Variants in DOK7 observed in about 807,000 individuals in gnomAD.
DOK7 encodes the protein docking protein 7.
In DOK7, 32 loss-of-function variants were observed where a neutral mutation model predicts 30.7. The ratio of observed to expected loss-of-function variants is 1.04; its 90% CI spans 0.79 to 1.40. The LOEUF is 1.40. Ranked by LOEUF, DOK7 falls within the 40% of genes most tolerant of loss-of-function variation. The pLI is 0.00. For missense variants in DOK7, 1,007 were observed against 699.2 expected (o/e 1.44, Z -4.97); for synonymous variants, 447 against 324.1 (o/e 1.38, Z -4.07).
chr4:3,476,278 A>T, intron 3 of DOK7, 64 bp from the exon 4 acceptor site: 1 of 285,606 alleles, frequency 3.5e-6, no homozygotes. Flanking sequence ...CTCTCACCCC[A>T]CCCGCCCGTG....
exon 8 of DOK7, chr4:3,500,838 A>G: frequency 6.6e-7 from 1 of 1,524,438 alleles, no homozygotes; most frequent in South Asian, 1.2e-5. Context: ...TCACAGCGCC[A>G]GGAGCTGACC....
intron 5 of DOK7, among the ~76,000 whole-genome samples, chr4:3,487,751 A>T (rs1727906184): frequency 6.6e-6 from 1 of 151,902 alleles, no homozygotes; most frequent in African/African-American, 2.4e-5. Context: ...AAATGGTGGG[A>T]GGTTGTGTCC....
downstream of DOK7, among the ~76,000 whole-genome samples, chr4:3,495,052 G>C (rs569326513): frequency 2.0e-5 from 3 of 152,308 alleles, no homozygotes; most frequent in South Asian, 6.2e-4. Context: ...GGGCTTTGGG[G>C]ACTGAGTTTG....
At chr4:3,499,606 A>G (rs1242990759) in intron 6 of DOK7, among the ~76,000 whole-genome samples, 1 of 151,370 alleles carries the variant, frequency 6.6e-6, no homozygotes, top group Non-Finnish European at 1.5e-5. Flanking sequence ...CCCAGCACCA[A>G]TGGGGTGTGC....
chr4:3,472,366 C>G (rs1277397747), intron 2 of DOK7, among the ~76,000 whole-genome samples: 2 of 152,246 alleles, frequency 1.3e-5, no homozygotes, highest in Admixed American at 1.3e-4. Context: ...GGGACATTCT[C>G]CCCAATCCCC....
At chr4:3,473,241 C>T (rs765566065) in intron 2 of DOK7, among the ~76,000 whole-genome samples, 165 bp from the exon 3 acceptor site, 2 of 152,248 alleles carry the variant, frequency 1.3e-5, no homozygotes, top group Admixed American at 6.5e-5. Flanking sequence ...GGGAGGGGAT[C>T]GCCCCATTTT....
At chr4:3,496,457 C>T (rs1728919624), downstream of DOK7, among the ~76,000 whole-genome samples, 1 of 152,250 alleles carries the variant, frequency 6.6e-6, no homozygotes, top group African/African-American at 2.4e-5. Flanking sequence ...CACTACCTTG[C>T]ATGGGCGTGG....
intron 3 of DOK7, among the ~76,000 whole-genome samples, chr4:3,475,827 G>A (rs957048626): frequency 9.9e-5 from 15 of 152,072 alleles, no homozygotes; most frequent in African/African-American, 3.6e-4. Context: ...CAGCTGCCCT[G>A]TCCTCCCTAG....
At chr4:3,476,190 CTCTCA>C in intron 3 of DOK7, 147 bp from the exon 4 acceptor site, 2 of 722,390 alleles carry the variant, frequency 2.8e-6, no homozygotes. Context: ...CCTCGATGCC[CTCTCA>C]CCTCACCCGC....
chr4:3,490,499 C>T (rs1331515403), intron 6 of DOK7, among the ~76,000 whole-genome samples: 11 of 125,992 alleles, frequency 8.7e-5, no homozygotes, highest in South Asian at 5.8e-4. Context: ...CCTTCCTTTT[C>T]CCCCTGCTCA....
At chr4:3,464,481 G>A (rs1726161997) in intron 2 of DOK7, among the ~76,000 whole-genome samples, 1 of 152,194 alleles carries the variant, frequency 6.6e-6, no homozygotes, top group Non-Finnish European at 1.5e-5. Context: ...TGGAGCTGTG[G>A]GGGCACCGAC....
Position 3,494,249 on chromosome 4 carries a change from A to G in DOK7, c.*748A>G. 1.0e-6 allele frequency: 1 copy of G among 985,512 alleles called. No homozygotes were observed. Among genetic ancestry groups the G allele is most frequent in the Non-Finnish European group, 1.2e-6 (1 of 830,004 alleles). The allele number at this position is 985,512 out of a possible 1,614,324, so 61.0% of individuals were successfully genotyped here. ...TGTCTGAACCTCCTCGCAGGGCCAA[A>G]GGCTGGCTTGGCCTGTGTTTCCCCT... is the stretch of plus-strand genomic sequence containing the variant. On this transcript the variant is annotated 3_prime_UTR_variant, in exon 7 of 7. Coordinates refer to ENST00000340083, the MANE Select transcript of DOK7 (RefSeq NM_173660.5).
chr4:3,489,886 C>T (rs1223382325), intron 6 of DOK7, 90 bp downstream of exon 6: 3 of 1,500,302 alleles, frequency 2.0e-6, no homozygotes, highest in African/African-American at 1.4e-5. Context: ...GTGGGGGCTG[C>T]AGGCTCCCTC....
intron 6 of DOK7, among the ~76,000 whole-genome samples, chr4:3,491,648 C>CTT (rs1308551929): frequency 1.3e-5 from 2 of 152,348 alleles, no homozygotes; most frequent in East Asian, 3.9e-4. Context: ...CCTTTGAATC[C>CTT]TTTCCTGCCC....
At chr4:3,486,599 G>A (rs906151231) in intron 5 of DOK7, among the ~76,000 whole-genome samples, 1 of 152,238 alleles carries the variant, frequency 6.6e-6, no homozygotes, top group African/African-American at 2.4e-5. Flanking sequence ...AGCCCTGGGA[G>A]TGGGGAGGTG....
At chr4:3,494,940 T>G (rs936089719), downstream of DOK7, among the ~76,000 whole-genome samples, 1 of 151,598 alleles carries the variant, frequency 6.6e-6, no homozygotes, top group Non-Finnish European at 1.5e-5. Flanking sequence ...CGCCACCCTG[T>G]TGTGGGTGCC....
chr4:3,499,711 G>T (rs1009642069), intron 6 of DOK7, among the ~76,000 whole-genome samples: 4 of 152,090 alleles, frequency 2.6e-5, no homozygotes, highest in Admixed American at 1.3e-4. Flanking sequence ...GTCCTGGAGG[G>T]GATGCAGAGG....
chr4:3,475,008 T>G (rs1161759951), intron 3 of DOK7, among the ~76,000 whole-genome samples: 1 of 152,234 alleles, frequency 6.6e-6, no homozygotes, highest in Non-Finnish European at 1.5e-5. Flanking sequence ...TGGCCCTTGA[T>G]GGCTGAGTTC....
chr4:3,493,120 G>T lies in DOK7; in HGVS notation c.1134G>T (p.Ala378=). ...ELGSLLSLPA[A]GAPEPSLCTC... Reference sequence around the variant, plus strand: ...GCTCACTGCTCAGCCTGCCAGCAGCGGGGGCCCCCGAGCCCAGCCTGTGCA... The same window carrying T: ...GCTCACTGCTCAGCCTGCCAGCAGCTGGGGCCCCCGAGCCCAGCCTGTGCA... The change falls in exon 7 of 7, where the codon GCG becomes GCT. Residue 378 remains alanine, a synonymous_variant. Coordinates refer to ENST00000340083, the MANE Select transcript of DOK7 (RefSeq NM_173660.5). 1 of 1,590,818 alleles carries T rather than the reference G, an allele frequency of 6.3e-7. No homozygotes were observed. The highest frequency in any genetic ancestry group is 8.5e-7 in the Non-Finnish European group (1 of 1,171,614).
Sources: gnomAD v4.1 joint callset for allele counts (sites outside exome capture counted in the v4.1 genomes callset) on GRCh38, gnomAD v4.1.1 for gene constraint, MANE v1.5 for transcripts, NCBI Gene and HGNC (gene_info 2026-07-23, HGNC 2026-07-21) for gene names.